The following SAMMSON variants were observed in gnomAD, a reference collection of about 807,000 sequenced individuals.
SAMMSON encodes long intergenic non-protein coding RNA 1212.
chr3:70,159,878 T>G (rs967335061), intron 4 of SAMMSON, among the ~76,000 whole-genome samples: 1 of 152,068 alleles, frequency 6.6e-6, no homozygotes, highest in Non-Finnish European at 1.5e-5. Flanking sequence ...ATTATAGCCA[T>G]TCTAGTGAGT....
At chr3:70,142,250 A>G (rs1454308794) in intron 4 of SAMMSON, among the ~76,000 whole-genome samples, 1 of 152,220 alleles carries the variant, frequency 6.6e-6, no homozygotes, top group Non-Finnish European at 1.5e-5. Context: ...TAGCAGCACA[A>G]TTCACAATTG....
intron 6 of SAMMSON, chr3:70,283,813 TA>T (rs1350634057): frequency 6.6e-6 from 1 of 151,538 alleles, no homozygotes; most frequent in African/African-American, 2.4e-5. Context: ...AAAAGGCAAA[TA>T]TGGCCAAATG....
At chr3:70,121,855 C>A (rs1049563914) in intron 4 of SAMMSON, among the ~76,000 whole-genome samples, 1 of 152,080 alleles carries the variant, frequency 6.6e-6, no homozygotes, top group African/African-American at 2.4e-5. Flanking sequence ...AGCTTGCATT[C>A]TCCCATTTGA....
intron 2 of SAMMSON, among the ~76,000 whole-genome samples, chr3:70,403,043 A>G (rs1701153397): frequency 6.6e-6 from 1 of 152,116 alleles, no homozygotes; most frequent in African/African-American, 2.4e-5. Context: ...ATAGTCACAG[A>G]TGCCCATTTA....
chr3:70,247,088 G>A (rs773484569), intron 4 of SAMMSON, among the ~76,000 whole-genome samples: 1 of 151,986 alleles, frequency 6.6e-6, no homozygotes, highest in East Asian at 1.9e-4. Context: ...GCCAATCATA[G>A]TACCAAGCGC....
chr3:70,226,764 C>A (rs1031466527), intron 4 of SAMMSON, among the ~76,000 whole-genome samples: 2 of 147,108 alleles, frequency 1.4e-5, no homozygotes, highest in Admixed American at 1.4e-4. Context: ...AAATAGTGTG[C>A]AATTTCCAGG....
intron 9 of SAMMSON, among the ~76,000 whole-genome samples, chr3:70,376,697 C>G (rs1178570129): frequency 6.6e-6 from 1 of 152,062 alleles, no homozygotes; most frequent in African/African-American, 2.4e-5. Context: ...GAGCCAGGCT[C>G]TGAGTTCAGC....
intron 4 of SAMMSON, among the ~76,000 whole-genome samples, chr3:70,073,890 A>C (rs567588217): frequency 4.6e-5 from 7 of 152,088 alleles, no homozygotes; most frequent in African/African-American, 1.2e-4. Flanking sequence ...TTTATTAAAA[A>C]TAGGGCTAGA....
At chr3:70,301,172 A>AT (rs1702345046) in intron 7 of SAMMSON, among the ~76,000 whole-genome samples, 1 of 152,100 alleles carries the variant, frequency 6.6e-6, no homozygotes. Flanking sequence ...TTAAGTTAAT[A>AT]TTTTAAAATT....
chr3:70,089,094 A>G (rs2067296588), intron 4 of SAMMSON, among the ~76,000 whole-genome samples: 1 of 152,164 alleles, frequency 6.6e-6, no homozygotes, highest in Admixed American at 6.5e-5. Context: ...GGGGCAATAA[A>G]AGAGGACGCT....
chr3:70,402,895 A>T (rs922993061), intron 2 of SAMMSON, among the ~76,000 whole-genome samples: 2 of 151,978 alleles, frequency 1.3e-5, no homozygotes, highest in African/African-American at 4.8e-5. Context: ...ATGTATATAT[A>T]TATCTCTCTC....
At position 70,148,978 on chromosome 3, in the gene SAMMSON, G is replaced by A. The variant is rs1446012545; in HGVS notation, n.507+77413G>A. 7.2e-5 allele frequency among the ~76,000 whole-genome samples: 11 copies of A among 152,134 alleles called. No individual in the cohort carries two copies. In the South Asian group the frequency reaches 1.9e-3, roughly 26 times the overall value. On this transcript the variant is annotated intron_variant and non_coding_transcript_variant, in intron 4 of 9. Coordinates refer to ENST00000642114, the Ensembl canonical transcript of SAMMSON. ...TGTGAATGCATCTATTATGGAAGGC[G>A]AGGAATAATGCTGGTTGGCTAAGTT...
chr3:70,225,505 C>T (rs1464349753), intron 4 of SAMMSON, among the ~76,000 whole-genome samples: 1 of 152,124 alleles, frequency 6.6e-6, no homozygotes, highest in African/African-American at 2.4e-5. Flanking sequence ...TTGCAAATTT[C>T]TATTATTCTA....
intron 2 of SAMMSON, among the ~76,000 whole-genome samples, chr3:70,431,482 A>G (rs964842160): frequency 8.6e-5 from 13 of 152,030 alleles, no homozygotes; most frequent in African/African-American, 3.1e-4. Context: ...TAATAGAAAT[A>G]TAATAAAATA....
At chr3:70,413,295 C>T (rs1258184443) in intron 2 of SAMMSON, among the ~76,000 whole-genome samples, 2 of 152,114 alleles carry the variant, frequency 1.3e-5, no homozygotes, top group Non-Finnish European at 2.9e-5. Context: ...CTCTCTATTG[C>T]CTCAATGGCC....
intron 7 of SAMMSON, among the ~76,000 whole-genome samples, chr3:70,352,573 G>A (rs1702801598): frequency 6.6e-6 from 1 of 152,012 alleles, no homozygotes; most frequent in South Asian, 2.1e-4. Flanking sequence ...AGGAAGAAAT[G>A]AAAAGCATGC....
At chr3:70,194,622 A>T (rs1701157747) in intron 4 of SAMMSON, among the ~76,000 whole-genome samples, 1 of 152,218 alleles carries the variant, frequency 6.6e-6, no homozygotes, top group Non-Finnish European at 1.5e-5. Context: ...AAGGCCACAG[A>T]AAGATCTTGT....
At chr3:70,299,640 A>G (rs1454153159) in intron 7 of SAMMSON, among the ~76,000 whole-genome samples, 2 of 151,962 alleles carry the variant, frequency 1.3e-5, no homozygotes, top group African/African-American at 2.4e-5. Context: ...CAATATCTCA[A>G]ATTCGGAATT....
At chr3:70,419,120 T>G (rs1242984096) in intron 2 of SAMMSON, among the ~76,000 whole-genome samples, 1 of 151,818 alleles carries the variant, frequency 6.6e-6, no homozygotes, top group East Asian at 1.9e-4. Context: ...TGCCTCCTAG[T>G]GTTAAACGAC....
Sources: gnomAD v4.1 joint callset for allele counts (sites outside exome capture counted in the v4.1 genomes callset) on GRCh38, gnomAD v4.1.1 for gene constraint, MANE v1.5 for transcripts, NCBI Gene and HGNC (gene_info 2026-07-23, HGNC 2026-07-21) for gene names.